Variants in NEDD4L observed in about 807,000 individuals in gnomAD.
NEDD4L encodes the protein E3 ubiquitin-protein ligase NEDD4-like.
NEDD4L carries 54 observed loss-of-function variants against 148.9 expected under a neutral mutation model. The ratio of observed to expected loss-of-function variants is 0.36; its 90% CI spans 0.29 to 0.45. NEDD4L has a LOEUF of 0.45. Ranked by LOEUF, NEDD4L falls within the 20% of genes least tolerant of loss-of-function variation. The probability of loss-of-function intolerance (pLI) is 1.00; values close to 1 mark genes in which losing one functional copy is unlikely to be tolerated. For missense variants in NEDD4L, 856 were observed against 1,233.8 expected (o/e 0.69, Z 4.59); for synonymous variants, 433 against 440.7 (o/e 0.98, Z 0.22).
chr18:58,196,840 G>A (rs1485415993), intron 2 of NEDD4L, among the ~76,000 whole-genome samples: 1 of 150,578 alleles, frequency 6.6e-6, no homozygotes, highest in Non-Finnish European at 1.5e-5. Flanking sequence ...TGCTCTTTTT[G>A]GATAATTCTG....
At chr18:58,281,950 G>A (rs1041439243) in intron 5 of NEDD4L, among the ~76,000 whole-genome samples, 2 of 151,604 alleles carry the variant, frequency 1.3e-5, no homozygotes, top group South Asian at 2.1e-4. Context: ...GCATGAACCC[G>A]GGAGGCGGAG....
chr18:58,063,147 A>G (rs12454583), intron 1 of NEDD4L, among the ~76,000 whole-genome samples: 120,681 of 148,720 alleles, frequency 0.81, 49,389 homozygotes, highest in East Asian at 1. Flanking sequence ...CGAAGTCCAC[A>G]CGATCCTCCT....
intron 29 of NEDD4L, 121 bp downstream of exon 29, chr18:58,390,863 A>G (rs1335065152): frequency 9.8e-6 from 7 of 713,374 alleles, no homozygotes; most frequent in Admixed American, 2.0e-5. Context: ...ACAGTGTGCC[A>G]TGCATAGGTT....
intron 13 of NEDD4L, among the ~76,000 whole-genome samples, chr18:58,339,709 T>C (rs1458917771): frequency 6.6e-6 from 1 of 152,196 alleles, no homozygotes. Flanking sequence ...AATTGTGCTT[T>C]TAAGCCTGGG....
intron 2 of NEDD4L, among the ~76,000 whole-genome samples, chr18:58,180,306 G>A (rs919614772): frequency 6.6e-6 from 1 of 152,132 alleles, no homozygotes; most frequent in Non-Finnish European, 1.5e-5. Context: ...TGATCTGTCT[G>A]TGTGACCCGG....
chr18:58,072,145 C>A (rs951399127), intron 1 of NEDD4L, among the ~76,000 whole-genome samples: 1 of 152,106 alleles, frequency 6.6e-6, no homozygotes, highest in Non-Finnish European at 1.5e-5. Context: ...GGAAACCTTC[C>A]ACCAAAAAAT....
chr18:58,290,143 C>T (rs563761102), intron 5 of NEDD4L, among the ~76,000 whole-genome samples: 3 of 152,252 alleles, frequency 2.0e-5, no homozygotes, highest in Admixed American at 2.0e-4. Flanking sequence ...AGAGCCCACT[C>T]GATGCTTGGC....
At chr18:58,153,938 C>T (rs1242205745) in intron 1 of NEDD4L, among the ~76,000 whole-genome samples, 2 of 152,226 alleles carry the variant, frequency 1.3e-5, no homozygotes, top group African/African-American at 2.4e-5. Flanking sequence ...TGAGTCACCG[C>T]ACCCGGCCCG....
intron 1 of NEDD4L, among the ~76,000 whole-genome samples, chr18:58,129,644 A>C (rs952831032): frequency 5.3e-5 from 8 of 152,224 alleles, no homozygotes; most frequent in Admixed American, 2.0e-4. Flanking sequence ...GTCGCAGAGA[A>C]ACTCAGATAG....
At chr18:58,248,713 T>A (rs2047562504) in intron 3 of NEDD4L, among the ~76,000 whole-genome samples, 186 bp from the exon 4 acceptor site, 1 of 152,214 alleles carries the variant, frequency 6.6e-6, no homozygotes, top group Admixed American at 6.5e-5. Flanking sequence ...ATGAAGCATC[T>A]GTTTCATAAA....
intron 2 of NEDD4L, among the ~76,000 whole-genome samples, chr18:58,174,783 A>AT (rs968482667): frequency 4.6e-5 from 7 of 151,292 alleles, no homozygotes; most frequent in East Asian, 2.0e-4. Flanking sequence ...AAAAATTAAC[A>AT]TTTTTTTTCC....
At chr18:58,145,867 CTT>C (rs1332517857) in intron 1 of NEDD4L, among the ~76,000 whole-genome samples, 2 of 151,978 alleles carry the variant, frequency 1.3e-5, no homozygotes, top group African/African-American at 4.8e-5. Flanking sequence ...TCTTTTTACT[CTT>C]TGTCAGTCAG....
intron 5 of NEDD4L, among the ~76,000 whole-genome samples, chr18:58,308,139 A>G (rs972820475): frequency 1.3e-5 from 2 of 152,238 alleles, no homozygotes; most frequent in Non-Finnish European, 2.9e-5. Context: ...TAACTTTAAA[A>G]TTAACTTTTA....
At chr18:58,347,494 C>T (rs1601550952) in intron 16 of NEDD4L, among the ~76,000 whole-genome samples, 4 of 152,124 alleles carry the variant, frequency 2.6e-5, no homozygotes, top group East Asian at 1.9e-4. Context: ...TTCAGTTTTT[C>T]CTCTGTCTGT....
intron 1 of NEDD4L, among the ~76,000 whole-genome samples, chr18:58,082,102 A>ATATATATATATATTTTTTTTT: frequency 6.1e-5 from 3 of 48,830 alleles, no homozygotes; most frequent in African/African-American, 2.6e-4. Flanking sequence ...ATATATATAT[A>ATATATATATATATTTTTTTTT]TTTTTTTTTT....
intron 2 of NEDD4L, among the ~76,000 whole-genome samples, chr18:58,236,991 C>T (rs980032914): frequency 7.2e-5 from 11 of 151,914 alleles, no homozygotes; most frequent in African/African-American, 2.7e-4. Context: ...CCATTGCACT[C>T]CAACCTGGAC....
chr18:58,148,423 C>A (rs901821900), intron 1 of NEDD4L, among the ~76,000 whole-genome samples: 2 of 152,204 alleles, frequency 1.3e-5, no homozygotes, highest in African/African-American at 2.4e-5. Context: ...GCCTCAGCCT[C>A]CCAAAGTGCT....
At chr18:58,092,289 A>G (rs2084116900) in intron 1 of NEDD4L, among the ~76,000 whole-genome samples, 1 of 152,164 alleles carries the variant, frequency 6.6e-6, no homozygotes, top group South Asian at 2.1e-4. Flanking sequence ...CATTTTACGT[A>G]TAAGATGGGT....
At chr18:58,339,070 A>C (rs1036318970) in intron 13 of NEDD4L, among the ~76,000 whole-genome samples, 2 of 149,664 alleles carry the variant, frequency 1.3e-5, no homozygotes, top group African/African-American at 4.9e-5. Context: ...AATATCCTTA[A>C]GGTTTCCAGA....
Sources: gnomAD v4.1 joint callset for allele counts (sites outside exome capture counted in the v4.1 genomes callset) on GRCh38, gnomAD v4.1.1 for gene constraint, MANE v1.5 for transcripts, NCBI Gene and HGNC (gene_info 2026-07-23, HGNC 2026-07-21) for gene names.